RHOQ: variants seen among roughly 807,000 people sequenced by gnomAD.
The protein encoded by RHOQ is rho-related GTP-binding protein RhoQ.
RHOQ carries 7 observed loss-of-function variants against 25.8 expected under a neutral mutation model. That is an observed-to-expected ratio of 0.27 (90% CI 0.15 to 0.51). RHOQ has a LOEUF of 0.51. RHOQ is among the 20% of genes least tolerant of loss of function. The pLI, the probability that RHOQ is intolerant of heterozygous loss-of-function variation, is 0.97. For synonymous variants in RHOQ, 97 were observed against 98.6 expected, an observed-to-expected ratio of 0.98 and a Z score of 0.10; for missense variants, 165 against 260.6, an observed-to-expected ratio of 0.63 and a Z score of 2.53.
intron 2 of RHOQ, among the ~76,000 whole-genome samples, chr2:46,574,826 A>C (rs1669055304): frequency 6.6e-6 from 1 of 152,220 alleles, no homozygotes; most frequent in African/African-American, 2.4e-5. Context: ...TTGTTCCATG[A>C]GGGAAATACT....
At chr2:46,549,948 C>T (rs907321298) in intron 2 of RHOQ, among the ~76,000 whole-genome samples, 1 of 152,194 alleles carries the variant, frequency 6.6e-6, no homozygotes, top group Non-Finnish European at 1.5e-5. Flanking sequence ...CATGGCCAGG[C>T]AGGGTGGCAT....
At chr2:46,572,713 G>T (rs1451153) in intron 2 of RHOQ, 195,022 of 440,878 alleles carry the variant, frequency 0.44, 46,239 homozygotes, top group African/African-American at 0.71. Context: ...AAAATATAAT[G>T]GGTTTGTTAA....
intron 2 of RHOQ, among the ~76,000 whole-genome samples, chr2:46,551,186 T>G (rs1382226224): frequency 6.6e-6 from 1 of 152,178 alleles, no homozygotes; most frequent in Non-Finnish European, 1.5e-5. Context: ...TTAGATATGT[T>G]GGAGCTTCCC....
rs1310616798 is a variant in RHOQ at position 46,569,037 on chromosome 2, T to C, written c.202-7050T>C. The C allele has an allele frequency of 1.3e-5, 2 of 152,214 alleles. No individual in the cohort carries two copies. The highest frequency in any genetic ancestry group is 4.8e-5 in the African/African-American group (2 of 41,460). The allele number at this position is 152,214 out of a possible 1,614,324, so 9.4% of individuals were successfully genotyped here. Reference sequence around the variant, plus strand: ...CTTGTAATTATAGCTCCAGACAATATGGAATTTCAGCTCTAAATCCTTTAC... The same window carrying C: ...CTTGTAATTATAGCTCCAGACAATACGGAATTTCAGCTCTAAATCCTTTAC... On this transcript the variant is annotated intron_variant, in intron 2 of 4. Coordinates refer to ENST00000238738, the MANE Select transcript of RHOQ (RefSeq NM_012249.4). The surrounding 1 kb of genome is among the most constrained non-coding windows in gnomAD (Gnocchi z 4.1).
At position 46,581,407 on chromosome 2, in the gene RHOQ, G is replaced by A; in HGVS notation, c.*324G>A. The A allele has an allele frequency of 6.4e-7, 1 of 1,556,476 alleles. No homozygotes were observed. Among genetic ancestry groups the A allele is most frequent in the East Asian group, 2.4e-5 (1 of 41,888 alleles). ...AACAGAGCTGTAAATGGAACTGCTT[G>A]GCTTTGACCATACACATTTCTGCCC... On this transcript the variant is annotated 3_prime_UTR_variant, in exon 5 of 5. Coordinates refer to ENST00000238738, the MANE Select transcript of RHOQ (RefSeq NM_012249.4).
At chr2:46,560,844 C>T (rs1465023129) in intron 2 of RHOQ, among the ~76,000 whole-genome samples, 1 of 152,064 alleles carries the variant, frequency 6.6e-6, no homozygotes, top group African/African-American at 2.4e-5. Context: ...ATTGCAGTCA[C>T]CTTGATTAGA....
At chr2:46,545,624 C>G (rs1374177609) in intron 2 of RHOQ, among the ~76,000 whole-genome samples, 1 of 152,212 alleles carries the variant, frequency 6.6e-6, no homozygotes, top group Non-Finnish European at 1.5e-5. Flanking sequence ...TGAGGTCACA[C>G]AGCTACTGAG....
intron 2 of RHOQ, among the ~76,000 whole-genome samples, chr2:46,562,850 G>A (rs1668616974): frequency 6.6e-6 from 1 of 152,160 alleles, no homozygotes; most frequent in African/African-American, 2.4e-5. Context: ...AAATTTCTCA[G>A]TGCGTTTGTG....
intron 4 of RHOQ, among the ~76,000 whole-genome samples, chr2:46,578,569 CAAAAAAAAAAAAAAA>C (rs755333304): frequency 1.3e-3 from 32 of 24,068 alleles, no homozygotes; most frequent in South Asian, 7.6e-3. Context: ...CCATCTCTAC[CAAAAAAAAAAAAAAA>C]AAAAAAAAAA....
At chr2:46,564,449 T>G (rs966208916) in intron 2 of RHOQ, among the ~76,000 whole-genome samples, 4 of 152,246 alleles carry the variant, frequency 2.6e-5, no homozygotes, top group Non-Finnish European at 4.4e-5. Context: ...TGAAAGGGCC[T>G]GTTCTGTGCA....
In RHOQ at chr2:46,576,654, G is replaced by T. The variant is rs374080824; in HGVS notation, c.460G>T (p.Glu154Ter). The part of the protein sequence containing the change: ...CVEQGQKLAK[E>*]IGACCYVECS... ...GGAACAAGGACAGAAACTAGCAAAA[G>T]AGGTAATGGAACACTCACAGAATTT... is the stretch of plus-strand genomic sequence containing the variant. The change falls in exon 4 of 5, where the codon GAG becomes TAG. Residue 154 changes from glutamate to a stop codon, truncating the protein, a stop_gained and splice_region_variant. Transcript: ENST00000238738. LOFTEE classifies it high-confidence loss of function. This position sits in a 1 kb window ranked among gnomAD's most constrained non-coding sequence, Gnocchi z 5.1. 1 of 1,563,980 alleles carries T rather than the reference G, an allele frequency of 6.4e-7. No individual in the cohort carries two copies. The highest frequency in any genetic ancestry group is 2.2e-5 in the East Asian group (1 of 44,572).
rs1295867221 is a variant in RHOQ, at chr2:46,546,467, T to C, written c.201+2655T>C. Among the ~76,000 whole-genome samples the C allele has an allele frequency of 1.2e-3, 8 of 6,554 alleles. 1 individual carries two copies. Among genetic ancestry groups the C allele is most frequent in the Middle Eastern group, 0.062 (1 of 16 alleles). The allele number at this position is 6,554 out of a possible 152,430, so 4.3% of individuals were successfully genotyped here. A position where few individuals can be genotyped will look rare whatever the true frequency, so the allele number is the denominator to read the frequency against. On this transcript the variant is annotated intron_variant, in intron 2 of 4. Transcript: ENST00000238738. ...ACACATATACATATATATATATATA[T>C]ATATATGTGTATATATATATATATA... is the stretch of plus-strand genomic sequence containing the variant.
chr2:46,580,563 C>T, intron 4 of RHOQ: 1 of 160,474 alleles, frequency 6.2e-6, no homozygotes, highest in Non-Finnish European at 1.4e-5. Context: ...ACAGCATTTG[C>T]AACCATCTGC....
intron 2 of RHOQ, among the ~76,000 whole-genome samples, chr2:46,567,518 C>A (rs1380016710): frequency 6.6e-6 from 1 of 151,990 alleles, no homozygotes; most frequent in Admixed American, 6.6e-5. Context: ...CTCAGCCTGC[C>A]AAGTAGCTGG....
intron 2 of RHOQ, among the ~76,000 whole-genome samples, chr2:46,550,653 C>T (rs578139884): frequency 2.0e-5 from 3 of 152,336 alleles, no homozygotes; most frequent in South Asian, 2.1e-4. Flanking sequence ...TGTGAGACAT[C>T]GGCCAGCCGG....
At chr2:46,545,249 C>G (rs1668008339) in intron 2 of RHOQ, among the ~76,000 whole-genome samples, 1 of 152,180 alleles carries the variant, frequency 6.6e-6, no homozygotes, top group Non-Finnish European at 1.5e-5. Flanking sequence ...GCTCAATCAA[C>G]TAAGACTGAC....
intron 4 of RHOQ, 152 bp from the exon 5 acceptor site, chr2:46,580,776 T>C: frequency 1.9e-6 from 1 of 521,596 alleles, no homozygotes. Flanking sequence ...TACTAGTATT[T>C]TAAAATCCCC....
At chr2:46,573,221 G>A (rs1009067213) in intron 2 of RHOQ, among the ~76,000 whole-genome samples, 13 of 151,988 alleles carry the variant, frequency 8.6e-5, no homozygotes, top group African/African-American at 2.4e-4. Context: ...GCACCACCAC[G>A]GCCAGATAAT....
In RHOQ at chr2:46,564,360, C is replaced by A. The variant is rs1572746836; in HGVS notation, c.202-11727C>A. On this transcript the variant is annotated intron_variant, in intron 2 of 4. Coordinates refer to ENST00000238738, the MANE Select transcript of RHOQ (RefSeq NM_012249.4). Reference sequence around the variant, plus strand: ...GTATACAATCCAGTGGCATTTAGTACATTCACTGTGTTGTACAACCACCAG... The same window carrying A: ...GTATACAATCCAGTGGCATTTAGTAAATTCACTGTGTTGTACAACCACCAG... 2.6e-5 allele frequency among the ~76,000 whole-genome samples: 4 copies of A among 152,166 alleles called. No individual in the cohort carries two copies. In the East Asian group the frequency reaches 7.7e-4, roughly 29 times the overall value.
Sources: allele counts gnomAD v4.1 joint callset (sites outside exome capture counted in the v4.1 genomes callset), GRCh38; gene constraint gnomAD v4.1.1; non-coding constraint Gnocchi (gnomAD v3.1); transcripts MANE v1.5; gene names NCBI Gene and HGNC (gene_info 2026-07-23, HGNC 2026-07-21).